Variants in TYR observed in about 807,000 individuals in gnomAD.
TYR encodes the protein tyrosinase.
TYR carries 58 observed loss-of-function variants against 51.5 expected under a neutral mutation model. The ratio of observed to expected loss-of-function variants is 1.13; its 90% confidence interval spans 0.91 to 1.40. The LOEUF (loss-of-function observed/expected upper bound fraction) is 1.40, where lower values mean the gene tolerates loss of function less well. Ranked by LOEUF, TYR falls within the 40% of genes most tolerant of loss-of-function variation. TYR has a pLI of 0.00. For synonymous variants in TYR, 263 were observed against 235.2 expected (o/e 1.12, Z -1.08); for missense variants, 732 against 647.4 (o/e 1.13, Z -1.42).
intron 2 of TYR, among the ~76,000 whole-genome samples, chr11:89,199,598 C>T (rs946143984): frequency 2.6e-5 from 4 of 152,156 alleles, no homozygotes; most frequent in African/African-American, 9.7e-5. Flanking sequence ...TTCTGGGCAT[C>T]TACTTCCTCA....
At chr11:89,204,168 C>T (rs1374324371) in intron 2 of TYR, among the ~76,000 whole-genome samples, 1 of 152,152 alleles carries the variant, frequency 6.6e-6, no homozygotes. Context: ...GTTAGGTCTT[C>T]TAGCACTGTC....
intron 2 of TYR, among the ~76,000 whole-genome samples, chr11:89,199,076 A>C (rs1048431894): frequency 1.3e-5 from 2 of 152,062 alleles, no homozygotes; most frequent in African/African-American, 2.4e-5. Context: ...CATGTCCCTA[A>C]AAAGGACATG....
chr11:89,208,691 T>G (rs1943707500), intron 2 of TYR, among the ~76,000 whole-genome samples: 1 of 152,232 alleles, frequency 6.6e-6, no homozygotes, highest in Non-Finnish European at 1.5e-5. Flanking sequence ...ATATGCATCA[T>G]AATTTTAATC....
chr11:89,188,538 ATTG>A (rs1342956703), intron 1 of TYR, among the ~76,000 whole-genome samples: 2 of 152,040 alleles, frequency 1.3e-5, no homozygotes, highest in Non-Finnish European at 2.9e-5. Context: ...TGATTTGCCA[ATTG>A]TTGTGGTGTA....
chr11:89,198,934 C>T (rs541457400), intron 2 of TYR, among the ~76,000 whole-genome samples: 12 of 152,130 alleles, frequency 7.9e-5, no homozygotes, highest in South Asian at 4.2e-4. Flanking sequence ...TGACAGGCCC[C>T]GGTGTGTAAT....
At chr11:89,186,246 G>A (rs1362602643) in intron 1 of TYR, among the ~76,000 whole-genome samples, 1 of 152,148 alleles carries the variant, frequency 6.6e-6, no homozygotes, top group Non-Finnish European at 1.5e-5. Flanking sequence ...TAAAAGCAGT[G>A]CCATCGCACA....
intron 3 of TYR, among the ~76,000 whole-genome samples, chr11:89,230,417 T>C (rs1300054925): frequency 2.0e-5 from 3 of 152,114 alleles, no homozygotes; most frequent in Non-Finnish European, 4.4e-5. Flanking sequence ...GATTAGAAAT[T>C]GTGAAACTGC....
chr11:89,237,380 A>G (rs1488668617), intron 3 of TYR, among the ~76,000 whole-genome samples: 1 of 152,046 alleles, frequency 6.6e-6, no homozygotes, highest in East Asian at 1.9e-4. Flanking sequence ...ATTTTTATAT[A>G]TGGTGTGAGA....
At chr11:89,250,990 G>A (rs1325062900) in intron 3 of TYR, among the ~76,000 whole-genome samples, 2 of 151,766 alleles carry the variant, frequency 1.3e-5, no homozygotes, top group South Asian at 2.1e-4. Context: ...TCATTTGAAG[G>A]GAGCAAGAAT....
chr11:89,290,479 T>C (rs1185781201), intron 4 of TYR, among the ~76,000 whole-genome samples: 1 of 152,056 alleles, frequency 6.6e-6, no homozygotes, highest in Admixed American at 6.6e-5. Flanking sequence ...GTATCCTGCC[T>C]TTTTTTGGAC....
At chr11:89,270,245 T>C (rs1012652617) in intron 3 of TYR, among the ~76,000 whole-genome samples, 2 of 151,896 alleles carry the variant, frequency 1.3e-5, no homozygotes, top group African/African-American at 4.8e-5. Context: ...CCTACTAGAA[T>C]GCTTTTTTTC....
chr11:89,193,380 T>G (rs920365092), intron 2 of TYR, among the ~76,000 whole-genome samples: 1 of 152,106 alleles, frequency 6.6e-6, no homozygotes, highest in African/African-American at 2.4e-5. Context: ...GGTTTTCAAG[T>G]GAGAGTCTAA....
chr11:89,285,178 G>A (rs1276161268), intron 4 of TYR, among the ~76,000 whole-genome samples: 1 of 151,494 alleles, frequency 6.6e-6, no homozygotes, highest in African/African-American at 2.4e-5. Context: ...TTTGTACATG[G>A]CAACCATGTG....
intron 2 of TYR, among the ~76,000 whole-genome samples, chr11:89,212,921 G>T (rs1272632538): frequency 6.6e-6 from 1 of 152,100 alleles, no homozygotes; most frequent in Admixed American, 6.6e-5. Context: ...AGTAAACTAG[G>T]TATTGATGGA....
chr11:89,190,247 C>T lies in TYR; in HGVS notation c.820-955C>T, dbSNP rs185385020. On this transcript the variant is annotated intron_variant, in intron 1 of 4. Transcript: ENST00000263321. ...GCTCTCCAGGAGGTGTTCCACAAAA[C>T]GCCTGGATGTTTTATAGAGATTGTT... Among the ~76,000 whole-genome samples, 15 of 152,150 alleles carry T rather than the reference C, an allele frequency of 9.9e-5. No homozygotes were observed. The South Asian group carries it at 2.1e-3, about 21-fold the overall frequency.
intron 1 of TYR, among the ~76,000 whole-genome samples, chr11:89,184,924 G>C (rs1250465734): frequency 6.6e-6 from 1 of 152,112 alleles, no homozygotes; most frequent in Admixed American, 6.6e-5. Context: ...CATCTATGGT[G>C]GGGGGACTGC....
intron 1 of TYR, among the ~76,000 whole-genome samples, chr11:89,181,070 A>G (rs1943294522): frequency 6.6e-6 from 1 of 151,594 alleles, no homozygotes. Flanking sequence ...TTTTTTTGGC[A>G]GTGGTGCAAT....
intron 3 of TYR, among the ~76,000 whole-genome samples, chr11:89,267,014 T>C (rs1181585106): frequency 1.3e-5 from 2 of 151,966 alleles, no homozygotes; most frequent in East Asian, 3.9e-4. Flanking sequence ...AGGAGTTCTA[T>C]ATCTGTACAG....
At chr11:89,211,767 C>G (rs1347831987) in intron 2 of TYR, among the ~76,000 whole-genome samples, 1 of 152,162 alleles carries the variant, frequency 6.6e-6, no homozygotes, top group Non-Finnish European at 1.5e-5. Context: ...ACAGTGCAAT[C>G]AAGTTAGAAC....
Sources: gnomAD v4.1 joint callset for allele counts (sites outside exome capture counted in the v4.1 genomes callset) on GRCh38, gnomAD v4.1.1 for gene constraint, MANE v1.5 for transcripts, NCBI Gene and HGNC (gene_info 2026-07-23, HGNC 2026-07-21) for gene names.